Variants in SUPT5H observed in about 807,000 individuals in gnomAD.
SUPT5H encodes transcription elongation factor SPT5.
A neutral mutation model predicts 142.5 loss-of-function variants in SUPT5H; 24 were observed. The observed-to-expected ratio is 0.17, with a 90% confidence interval of 0.12 to 0.24. The LOEUF (loss-of-function observed/expected upper bound fraction) is 0.24. Ranked by LOEUF, SUPT5H falls within the 10% of genes least tolerant of loss-of-function variation. The probability of loss-of-function intolerance (pLI) is 1.00; values close to 1 mark genes in which losing one functional copy is unlikely to be tolerated. For synonymous variants in SUPT5H, 546 were observed against 553.0 expected (o/e 0.99, Z 0.18); for missense variants, 893 against 1,471.8 (o/e 0.61, Z 6.43).
chr19:39,472,538 T>C lies in SUPT5H; in HGVS notation c.2035+45T>C, dbSNP rs1414360620. The C allele has an allele frequency of 6.2e-7, 1 of 1,603,010 alleles. No individual in the cohort carries two copies. The highest frequency in any genetic ancestry group is 1.7e-5 in the Admixed American group (1 of 59,856). ...AGGGGATGTGGTGGGTAGAAGGGGC[T>C]GGAAGGAACTTGGTTGTTCAGCCTA... On this transcript the variant is annotated intron_variant, in intron 21 of 29. Transcript: ENST00000432763. This position sits in a 1 kb window ranked among gnomAD's most constrained non-coding sequence, Gnocchi z 4.2.
In SUPT5H at chr19:39,451,093, A is replaced by AT. The variant is rs74178073; in HGVS notation, c.76-2250dup. 3.0e-3 allele frequency among the ~76,000 whole-genome samples: 432 copies of AT among 145,836 alleles called. 1 individual carries two copies. The highest frequency in any genetic ancestry group is 6.0e-3 in the African/African-American group (240 of 39,744). Reference sequence around the variant, plus strand: ...GGACAAGAAGTGTTTCAGATTTTGGATTTTTTTTTTTTTGATTTTGTAATA... The same window carrying AT: ...GGACAAGAAGTGTTTCAGATTTTGGATTTTTTTTTTTTTTGATTTTGTAATA... On this transcript the variant is annotated intron_variant, in intron 2 of 29. Coordinates refer to ENST00000432763, the MANE Select transcript of SUPT5H (RefSeq NM_001111020.3).
chr19:39,466,823 A>T lies in SUPT5H; in HGVS notation c.1037+78A>T. ...ATGTGCCTTTTGCAGGTTCCTCCCC[A>T]GGGGTGGCCCCGCCACAGGTTTAGC... On this transcript the variant is annotated intron_variant, in intron 13 of 29. Coordinates refer to ENST00000432763, the MANE Select transcript of SUPT5H (RefSeq NM_001111020.3). This position sits in a 1 kb window ranked among gnomAD's most constrained non-coding sequence, Gnocchi z 4.3. The T allele has an allele frequency of 6.9e-7, 1 of 1,447,536 alleles. No individual in the cohort carries two copies. The highest frequency in any genetic ancestry group is 9.7e-7 in the Non-Finnish European group (1 of 1,030,398). The allele number at this position is 1,447,536 out of a possible 1,614,324, so 89.7% of individuals were successfully genotyped here.
rs766596141 is a variant in SUPT5H at position 39,468,746 on chromosome 19, C to A, written c.1038-10C>A. 3.7e-6 allele frequency: 6 copies of A among 1,612,556 alleles called. No individual in the cohort carries two copies. In the Admixed American group the frequency reaches 5.0e-5, roughly 13 times the overall value. On this transcript the variant is annotated splice_polypyrimidine_tract_variant and intron_variant, in intron 13 of 29. Coordinates refer to ENST00000432763, the MANE Select transcript of SUPT5H (RefSeq NM_001111020.3). Reference sequence around the variant, plus strand: ...TCCCTTCTAATCTTCTCTCCCCCATCAAATTCCAGGTCCCTGGGGGGTGAT... The same window carrying A: ...TCCCTTCTAATCTTCTCTCCCCCATAAAATTCCAGGTCCCTGGGGGGTGAT...
At chr19:39,451,001 A>G (rs1278598217) in intron 2 of SUPT5H, among the ~76,000 whole-genome samples, 1 of 152,150 alleles carries the variant, frequency 6.6e-6, no homozygotes, top group African/African-American at 2.4e-5. Flanking sequence ...TAATATAAAA[A>G]TGTTTTTATT....
rs528608667 is a variant in SUPT5H at position 39,473,884 on chromosome 19, G to T, written c.2493-79G>T. ...GAGAATGAAATTGCTTCAGTTGGGGGTCTGGTGTAGGGTGCTGTTCTGGAA... is the reference window on the plus strand; with the variant it reads ...GAGAATGAAATTGCTTCAGTTGGGGTTCTGGTGTAGGGTGCTGTTCTGGAA... On this transcript the variant is annotated intron_variant, in intron 25 of 29. Coordinates refer to ENST00000432763, the MANE Select transcript of SUPT5H (RefSeq NM_001111020.3). The surrounding 1 kb of genome is among the most constrained non-coding windows in gnomAD (Gnocchi z 5.8). The T allele has an allele frequency of 1.9e-3, 3,056 of 1,587,602 alleles. 48 individuals carry two copies. The Admixed American group carries it at 0.033, about 17-fold the overall frequency.
chr19:39,447,072 G>T (rs985694491), intron 2 of SUPT5H, among the ~76,000 whole-genome samples: 1 of 151,930 alleles, frequency 6.6e-6, no homozygotes, highest in African/African-American at 2.4e-5. Context: ...GGCTGAGGTG[G>T]GAAGATTGCT....
At position 39,453,341 on chromosome 19, in the gene SUPT5H, GCCTGA is replaced by G. The variant is rs778283494; in HGVS notation, c.76-12_76-8del. ...AGCAGAATTCTGGTGCTACAACCCT[GCCTGA>G]CCCCTGTAGGTAGACGAAGAGCGGC... is the stretch of plus-strand genomic sequence containing the variant. On this transcript the variant is annotated splice_polypyrimidine_tract_variant and intron_variant, in intron 2 of 29. Transcript: ENST00000432763. The G allele has an allele frequency of 6.3e-7, 1 of 1,589,882 alleles. No individual in the cohort carries two copies. The highest frequency in any genetic ancestry group is 1.4e-5 in the African/African-American group (1 of 73,784).
intron 18 of SUPT5H, among the ~76,000 whole-genome samples, chr19:39,471,044 G>A (rs992576821): frequency 2.0e-5 from 3 of 152,084 alleles, no homozygotes; most frequent in African/African-American, 7.2e-5. Flanking sequence ...GAAATCTTAC[G>A]GGGCCTGACA....
In SUPT5H at chr19:39,473,306, G is replaced by A. The variant is rs2146127645; in HGVS notation, c.2362G>A (p.Gly788Ser). ...YGSGSRTPMY[G>S]SQTPLQDGSR... ...CTCTGGCTCCCGAACACCCATGTAC[G>A]GCTCACAGACACCCCTCCAGGATGG... Residue 788 changes from glycine (G) to serine (S), a missense_variant, in exon 24 of 30, where the codon GGC (glycine) becomes AGC (serine). This residue lies in a region of SUPT5H where 336 missense variants were observed against 546.5 expected (regional missense o/e 0.61). Coordinates refer to ENST00000432763, the MANE Select transcript of SUPT5H (RefSeq NM_001111020.3). This position sits in a 1 kb window ranked among gnomAD's most constrained non-coding sequence, Gnocchi z 5.8. 3 of 1,613,906 alleles carry A rather than the reference G, an allele frequency of 1.9e-6. No homozygotes were observed. Among genetic ancestry groups the A allele is most frequent in the South Asian group, 1.1e-5 (1 of 91,088 alleles).
At chr19:39,456,987 C>T (rs1354985059) in intron 3 of SUPT5H, among the ~76,000 whole-genome samples, 1 of 152,218 alleles carries the variant, frequency 6.6e-6, no homozygotes, top group Non-Finnish European at 1.5e-5. Flanking sequence ...TACTTACATC[C>T]TCTATGGACA....
rs193146455 is a variant in SUPT5H at position 39,461,620 on chromosome 19, C to T, written c.624+1660C>T. Among the ~76,000 whole-genome samples, 4 of 151,936 alleles carry T rather than the reference C, an allele frequency of 2.6e-5. No homozygotes were observed. In the East Asian group the frequency reaches 5.8e-4, roughly 22 times the overall value. ...TGTGGATCACCTGAGGTTAAGAGTT[C>T]GAGACCAGCTTCACCAGCATGGTGA... On this transcript the variant is annotated intron_variant, in intron 10 of 29. Coordinates refer to ENST00000432763, the MANE Select transcript of SUPT5H (RefSeq NM_001111020.3).
intron 28 of SUPT5H, chr19:39,475,839 A>T (rs767599742): frequency 3.6e-6 from 2 of 549,332 alleles, no homozygotes; most frequent in Admixed American, 3.2e-5. Context: ...AAGAGTCAAG[A>T]AGCAGTCTCC....
At chr19:39,449,136 G>A (rs150551019) in intron 2 of SUPT5H, among the ~76,000 whole-genome samples, 1 of 151,870 alleles carries the variant, frequency 6.6e-6, no homozygotes, top group African/African-American at 2.4e-5. Flanking sequence ...TGGCATGTTG[G>A]GGTCACAGTC....
intron 2 of SUPT5H, among the ~76,000 whole-genome samples, chr19:39,446,473 C>T (rs984002363): frequency 6.6e-6 from 1 of 152,142 alleles, no homozygotes; most frequent in African/African-American, 2.4e-5. Context: ...GGGTCATCAG[C>T]ATGAGTCTGA....
At chr19:39,459,745 C>T in intron 9 of SUPT5H, 147 bp from the exon 10 acceptor site, 1 of 1,284,602 alleles carries the variant, frequency 7.8e-7, no homozygotes, top group Non-Finnish European at 1.1e-6. Flanking sequence ...CTGGCTATCT[C>T]CCACCTCCAT....
chr19:39,458,603 C>A lies in SUPT5H; in HGVS notation c.320-215C>A. ...TTTGAGATGGGAACAGCTGGAAGCC[C>A]CCCAACTTGCTGGGCCCCATCCCCA... is the stretch of plus-strand genomic sequence containing the variant. On this transcript the variant is annotated intron_variant, in intron 5 of 29. Transcript: ENST00000432763. This position sits in a 1 kb window ranked among gnomAD's most constrained non-coding sequence, Gnocchi z 4.2. The A allele has an allele frequency of 1.4e-6, 1 of 693,948 alleles. No homozygotes were observed. The highest frequency in any genetic ancestry group is 2.4e-6 in the Non-Finnish European group (1 of 421,412). The allele number at this position is 693,948 out of a possible 1,614,324, so 43.0% of individuals were successfully genotyped here.
At chr19:39,475,812 G>GGTC in intron 28 of SUPT5H, 1 of 476,956 alleles carries the variant, frequency 2.1e-6, no homozygotes. Flanking sequence ...AAGACGCTGA[G>GGTC]GCCAGTTTGG....
rs749219459 is a variant in SUPT5H at position 39,466,666 on chromosome 19, C to T, written c.967-9C>T. On this transcript the variant is annotated splice_polypyrimidine_tract_variant and intron_variant, in intron 12 of 29. Coordinates refer to ENST00000432763, the MANE Select transcript of SUPT5H (RefSeq NM_001111020.3). This position sits in a 1 kb window ranked among gnomAD's most constrained non-coding sequence, Gnocchi z 4.3. Reference sequence around the variant, plus strand: ...TCACCCTTCCCACCCATGCCCCTTTCCTCCATAGAAAGACTGGTTTGCCAA... The same window carrying T: ...TCACCCTTCCCACCCATGCCCCTTTTCTCCATAGAAAGACTGGTTTGCCAA... 3 of 1,612,400 alleles carry T rather than the reference C, an allele frequency of 1.9e-6. No individual in the cohort carries two copies. The highest frequency in any genetic ancestry group is 2.5e-6 in the Non-Finnish European group (3 of 1,178,782).
At chr19:39,450,743 T>C (rs2079011112) in intron 2 of SUPT5H, among the ~76,000 whole-genome samples, 1 of 152,250 alleles carries the variant, frequency 6.6e-6, no homozygotes, top group Admixed American at 6.5e-5. Flanking sequence ...TTAAGCTACA[T>C]TGAATCATTT....
Sources: gnomAD v4.1 joint callset for allele counts (sites outside exome capture counted in the v4.1 genomes callset) on GRCh38, gnomAD v4.1.1 for gene constraint, gnomAD v4.1.1 regional missense constraint, Gnocchi (gnomAD v3.1) non-coding constraint, MANE v1.5 for transcripts, NCBI Gene and HGNC (gene_info 2026-07-23, HGNC 2026-07-21) for gene names.